FOCAD: variants seen among roughly 807,000 people sequenced by gnomAD.
FOCAD encodes the protein focadhesin.
FOCAD carries 198 observed loss-of-function variants against 225.6 expected under a neutral mutation model. That is an observed-to-expected ratio of 0.88 (90% CI 0.78 to 0.99). FOCAD has a LOEUF of 0.99. Ranked by LOEUF, FOCAD falls within the 50% of genes least tolerant of loss-of-function variation. The pLI, the probability that FOCAD is intolerant of heterozygous loss-of-function variation, is 0.00. For missense variants in FOCAD, 2,713 were observed against 2,123.6 expected (o/e 1.28, Z -5.46); for synonymous variants, 897 against 755.0 (o/e 1.19, Z -3.08).
intron 35 of FOCAD, among the ~76,000 whole-genome samples, chr9:20,972,887 CTT>C (rs1467207688): frequency 6.6e-6 from 1 of 152,116 alleles, no homozygotes; most frequent in Non-Finnish European, 1.5e-5. Context: ...GCTGACTTTC[CTT>C]TATTCTGGTT....
intron 11 of FOCAD, among the ~76,000 whole-genome samples, chr9:20,815,153 T>TTTTTTTTTTTTTC: frequency 7.2e-6 from 1 of 138,604 alleles, no homozygotes; most frequent in Non-Finnish European, 1.6e-5. Flanking sequence ...TTTTTTTTTT[T>TTTTTTTTTTTTTC]TGAGACAGTC....
At chr9:20,815,137 G>GTTTTTTTTTTTTTTTTTTTTTTT (rs71334555) in intron 11 of FOCAD, among the ~76,000 whole-genome samples, 40 of 69,142 alleles carry the variant, frequency 5.8e-4, no homozygotes, top group African/African-American at 8.4e-4. Flanking sequence ...TTTTTTTTTT[G>GTTTTTTTTTTTTTTTTTTTTTTT]TTTTTTTTTT....
chr9:20,830,284 C>G (rs1825353420), intron 15 of FOCAD, among the ~76,000 whole-genome samples: 1 of 151,908 alleles, frequency 6.6e-6, no homozygotes, highest in Non-Finnish European at 1.5e-5. Context: ...GCCTAAAGGT[C>G]TTAATGAAAA....
At chr9:20,776,590 A>T (rs541024381) in intron 8 of FOCAD, among the ~76,000 whole-genome samples, 3 of 152,196 alleles carry the variant, frequency 2.0e-5, no homozygotes, top group Non-Finnish European at 2.9e-5. Context: ...TTCACCCTCT[A>T]TTCTGAACAG....
intron 15 of FOCAD, among the ~76,000 whole-genome samples, chr9:20,833,646 C>T (rs1052571502): frequency 1.3e-5 from 2 of 151,950 alleles, no homozygotes; most frequent in Non-Finnish European, 2.9e-5. Context: ...AGTAGTCCTT[C>T]GAAGTGTGTC....
intron 29 of FOCAD, among the ~76,000 whole-genome samples, chr9:20,946,003 C>G (rs961545925): frequency 1.3e-5 from 2 of 152,112 alleles, no homozygotes; most frequent in Non-Finnish European, 2.9e-5. Context: ...AGTTACTACG[C>G]TAGTAAATGG....
At chr9:20,890,316 C>T (rs149069319) in intron 21 of FOCAD, among the ~76,000 whole-genome samples, 70 of 146,766 alleles carry the variant, frequency 4.8e-4, no homozygotes, top group African/African-American at 1.6e-3. Flanking sequence ...CAGATTTTGT[C>T]GACTTCCTTT....
intron 1 of FOCAD, among the ~76,000 whole-genome samples, chr9:20,692,218 C>G (rs972503027): frequency 1.3e-5 from 2 of 151,980 alleles, no homozygotes; most frequent in African/African-American, 2.4e-5. Flanking sequence ...CCTTTTTTAC[C>G]TATAATCTTT....
intron 7 of FOCAD, among the ~76,000 whole-genome samples, chr9:20,767,985 C>G (rs1235922217): frequency 6.6e-6 from 1 of 152,030 alleles, no homozygotes; most frequent in East Asian, 1.9e-4. Flanking sequence ...TTTAATCCAT[C>G]TTGAATTGAT....
At chr9:20,994,500 C>T (rs145624942) in intron 43 of FOCAD, among the ~76,000 whole-genome samples, 1 of 152,250 alleles carries the variant, frequency 6.6e-6, no homozygotes, top group Non-Finnish European at 1.5e-5. Flanking sequence ...CATATTTTAC[C>T]TATTACTATG....
intron 15 of FOCAD, among the ~76,000 whole-genome samples, chr9:20,839,259 C>CTTTTTTTTT (rs71496859): frequency 1.5e-5 from 2 of 132,778 alleles, no homozygotes; most frequent in Non-Finnish European, 1.6e-5. Context: ...TTCTTTCTTT[C>CTTTTTTTTT]TTTTTTTTTT....
At chr9:20,847,423 A>G (rs1186633210) in intron 15 of FOCAD, among the ~76,000 whole-genome samples, 2 of 150,598 alleles carry the variant, frequency 1.3e-5, no homozygotes, top group East Asian at 1.9e-4. Context: ...TAATGCTGCT[A>G]TTATTTTCTT....
Position 20,852,201 on chromosome 9 carries a change from A to G in FOCAD, c.1921-10377A>G, listed in dbSNP as rs56276175. ...GTGAATCACTAGCTTTCTAGCACTG[A>G]AGAGCAAAGTAATTCCTAAGAAGTT... On this transcript the variant is annotated intron_variant, in intron 15 of 43. Transcript: ENST00000338382. 2.9e-3 allele frequency among the ~76,000 whole-genome samples: 437 copies of G among 151,918 alleles called. 1 individual carries two copies. Among genetic ancestry groups the G allele is most frequent in the African/African-American group, 1.0e-2 (415 of 41,512 alleles).
chr9:20,721,258 C>T (rs1037557977), intron 4 of FOCAD, among the ~76,000 whole-genome samples: 2 of 152,188 alleles, frequency 1.3e-5, no homozygotes, highest in African/African-American at 4.8e-5. Flanking sequence ...TTGCCCCCTT[C>T]CCTCACCTCT....
rs765927070 is a variant in FOCAD at position 20,951,030 on chromosome 9, C to A, written c.3983C>A (p.Ser1328Ter). ...GTCTCTGGGGTGATTGGTCTCCAGT[C>A]AAATGCAGTCTGGCTTCTTGGACAT... ...ISVSGVIGLQ[S>*]NAVWLLGHLH... The change falls in exon 34 of 44, where the codon TCA becomes TAA. Residue 1328 changes from serine (S) to a stop codon, truncating the protein, a stop_gained. Transcript: ENST00000338382. LOFTEE classifies it high-confidence loss of function. The A allele has an allele frequency of 1.1e-5, 17 of 1,613,470 alleles. No homozygotes were observed. The highest frequency in any genetic ancestry group is 1.4e-5 in the Non-Finnish European group (17 of 1,179,618).
At chr9:20,806,960 G>A (rs950576699) in intron 11 of FOCAD, among the ~76,000 whole-genome samples, 1 of 152,052 alleles carries the variant, frequency 6.6e-6, no homozygotes, top group African/African-American at 2.4e-5. Context: ...AATTGAATTG[G>A]TTTATTTCTT....
intron 2 of FOCAD, among the ~76,000 whole-genome samples, chr9:20,717,270 C>T (rs17685632): frequency 0.015 from 2,299 of 152,216 alleles, 32 homozygotes; most frequent in Non-Finnish European, 0.025. Context: ...CACAGCTATA[C>T]CGTAATTTGG....
At chr9:20,882,449 G>A (rs755028185) in intron 20 of FOCAD, among the ~76,000 whole-genome samples, 10 of 152,278 alleles carry the variant, frequency 6.6e-5, no homozygotes, top group Admixed American at 2.0e-4. Context: ...AAAGAGCTAG[G>A]CTGAAAGCTT....
chr9:20,688,968 G>A (rs1045860233), intron 1 of FOCAD, among the ~76,000 whole-genome samples: 1 of 152,238 alleles, frequency 6.6e-6, no homozygotes, highest in Non-Finnish European at 1.5e-5. Context: ...CGTATGGTAA[G>A]ATTGCAAAGG....
Sources: allele counts gnomAD v4.1 joint callset (sites outside exome capture counted in the v4.1 genomes callset), GRCh38; gene constraint gnomAD v4.1.1; transcripts MANE v1.5; gene names NCBI Gene and HGNC (gene_info 2026-07-23, HGNC 2026-07-21).